The following EYS variants were observed in gnomAD, a reference collection of about 807,000 sequenced individuals.
EYS encodes the protein protein eyes shut homolog.
EYS carries 250 observed loss-of-function variants against 282.1 expected under a neutral mutation model. That is an observed-to-expected ratio of 0.89 (90% CI 0.80 to 0.98). The LOEUF is 0.98. Among genes scored for constraint, EYS ranks in the 50% least tolerant of loss-of-function variants. The probability of loss-of-function intolerance (pLI) is 0.00; values close to 1 mark genes in which losing one functional copy is unlikely to be tolerated. For synonymous variants in EYS, 1,355 were observed against 1,282.9 expected, an observed-to-expected ratio of 1.06 and a Z score of -1.20; for missense variants, 4,016 against 3,709.0, an observed-to-expected ratio of 1.08 and a Z score of -2.15.
rs1050831075 is a variant in EYS at position 64,489,923 on chromosome 6, C to T, written c.5645-50571G>A. 2.0e-5 allele frequency among the ~76,000 whole-genome samples: 3 copies of T among 150,790 alleles called. No homozygotes were observed. The East Asian group carries it at 5.9e-4, about 29-fold the overall frequency. ...AGAGGACACATGCTTCATGAAGAGG[C>T]CTCACAAATGAATAACGTAATGATA... On this transcript the variant is annotated intron_variant, in intron 26 of 42. Coordinates refer to ENST00000503581, the MANE Select transcript of EYS (RefSeq NM_001142800.2).
chr6:63,936,346 A>G (rs1482458), intron 35 of EYS, among the ~76,000 whole-genome samples: 73,281 of 152,130 alleles, frequency 0.48, 18,836 homozygotes, highest in African/African-American at 0.68. Flanking sequence ...TATTACATGT[A>G]TAGGAATCTC....
At chr6:64,601,315 C>T (rs1243896617) in intron 24 of EYS, among the ~76,000 whole-genome samples, 1 of 152,064 alleles carries the variant, frequency 6.6e-6, no homozygotes, top group African/African-American at 2.4e-5. Context: ...TATTTAGAAT[C>T]ATTATTTAAA....
At chr6:64,360,612 T>C (rs1035223930) in intron 29 of EYS, among the ~76,000 whole-genome samples, 2 of 151,714 alleles carry the variant, frequency 1.3e-5, no homozygotes, top group East Asian at 1.9e-4. Context: ...TATGAGATAG[T>C]AGTTTCAGTT....
At chr6:65,335,474 T>A (rs184855473) in intron 10 of EYS, among the ~76,000 whole-genome samples, 22 of 151,862 alleles carry the variant, frequency 1.4e-4, no homozygotes, top group Non-Finnish European at 2.9e-4. Flanking sequence ...ACAAAACACT[T>A]TTCTGATAAG....
At chr6:64,068,026 C>T (rs1026485612) in intron 32 of EYS, among the ~76,000 whole-genome samples, 1 of 152,070 alleles carries the variant, frequency 6.6e-6, no homozygotes, top group East Asian at 1.9e-4. Context: ...TTGAATAGCT[C>T]TGTCAGAAAG....
chr6:64,082,912 C>CTTT (rs34941425), intron 31 of EYS, among the ~76,000 whole-genome samples: 3 of 142,512 alleles, frequency 2.1e-5, no homozygotes, highest in East Asian at 2.0e-4. Flanking sequence ...AATGCAACTT[C>CTTT]TTTTTTTTTT....
chr6:64,726,187 G>A (rs1399384505), intron 22 of EYS, among the ~76,000 whole-genome samples: 1 of 151,288 alleles, frequency 6.6e-6, no homozygotes, highest in Admixed American at 6.6e-5. Flanking sequence ...CTTCTTTTAT[G>A]AGCCTTGCTC....
intron 5 of EYS, among the ~76,000 whole-genome samples, chr6:65,415,013 C>A (rs1254678704): frequency 6.6e-6 from 1 of 151,930 alleles, no homozygotes; most frequent in East Asian, 1.9e-4. Flanking sequence ...GTAGGAGAAA[C>A]AAGAGTGTGA....
intron 26 of EYS, among the ~76,000 whole-genome samples, chr6:64,523,912 A>G (rs74347843): frequency 0.03 from 4,603 of 151,864 alleles, 94 homozygotes; most frequent in Non-Finnish European, 0.048. Context: ...AATTTTATCT[A>G]TATAAATAAG....
intron 12 of EYS, among the ~76,000 whole-genome samples, chr6:65,251,861 C>T (rs74971899): frequency 6.6e-6 from 1 of 152,000 alleles, no homozygotes; most frequent in African/African-American, 2.4e-5. Context: ...ATCCCAGCCT[C>T]CCTGTGCCAC....
chr6:64,746,760 C>T (rs1263219269), intron 22 of EYS, among the ~76,000 whole-genome samples: 1 of 152,186 alleles, frequency 6.6e-6, no homozygotes. Flanking sequence ...GATAAAGCAA[C>T]TTTGTCAGTT....
chr6:64,100,013 G>A (rs150173863), intron 31 of EYS, among the ~76,000 whole-genome samples: 47 of 151,976 alleles, frequency 3.1e-4, no homozygotes, highest in African/African-American at 1.0e-3. Flanking sequence ...ATGCTAAACC[G>A]TCTCAGTTTT....
intron 31 of EYS, among the ~76,000 whole-genome samples, chr6:64,186,678 G>A (rs1764955732): frequency 6.6e-6 from 1 of 152,078 alleles, no homozygotes; most frequent in Admixed American, 6.6e-5. Context: ...CTAAACAGAA[G>A]CAAAGCTGTC....
At chr6:64,235,624 C>A (rs1766576553) in intron 30 of EYS, among the ~76,000 whole-genome samples, 1 of 152,122 alleles carries the variant, frequency 6.6e-6, no homozygotes, top group South Asian at 2.1e-4. Flanking sequence ...ATGGCTGGGT[C>A]AAATGGTATT....
rs373010040 is a variant in EYS, at chr6:65,312,925, A to G, written c.1767-16806T>C. On this transcript the variant is annotated intron_variant, in intron 11 of 42. Coordinates refer to ENST00000503581, the MANE Select transcript of EYS (RefSeq NM_001142800.2). ...TCATCTGAAGACCTGGGATCTTCAG[A>G]TTATCACTGCGTTGTCACTTCCCCT... is the stretch of plus-strand genomic sequence containing the variant. Among the ~76,000 whole-genome samples the G allele has an allele frequency of 5.7e-3, 866 of 152,172 alleles. 7 individuals carry two copies. The highest frequency in any genetic ancestry group is 0.017 in the Middle Eastern group (5 of 294).
chr6:64,308,784 C>T (rs914220112), intron 29 of EYS, among the ~76,000 whole-genome samples: 35 of 151,950 alleles, frequency 2.3e-4, no homozygotes, highest in African/African-American at 8.2e-4. Flanking sequence ...TGGTAATACT[C>T]TGTCAAACGT....
chr6:65,277,348 G>A (rs1002546082), intron 12 of EYS, among the ~76,000 whole-genome samples: 61 of 151,410 alleles, frequency 4.0e-4, no homozygotes, highest in African/African-American at 1.5e-3. Context: ...CAAAAGAATC[G>A]CTTGAACCCG....
chr6:64,845,568 G>T (rs889246135), intron 19 of EYS, among the ~76,000 whole-genome samples: 1 of 150,976 alleles, frequency 6.6e-6, no homozygotes, highest in Non-Finnish European at 1.5e-5. Context: ...CTACTCCTAG[G>T]CCTTTTCTCT....
intron 14 of EYS, among the ~76,000 whole-genome samples, chr6:64,948,562 T>C (rs1241407686): frequency 4.2e-5 from 4 of 94,542 alleles, no homozygotes; most frequent in African/African-American, 6.7e-5. Context: ...TATTAATATT[T>C]AATATTTTAA....
Sources: allele counts gnomAD v4.1 joint callset (sites outside exome capture counted in the v4.1 genomes callset), GRCh38; gene constraint gnomAD v4.1.1; transcripts MANE v1.5; gene names NCBI Gene and HGNC (gene_info 2026-07-23, HGNC 2026-07-21).